Variants in SLC25A6 observed in about 807,000 individuals in gnomAD.
SLC25A6 encodes ADP/ATP translocase 3.
In SLC25A6, 9 loss-of-function variants were observed where a neutral mutation model predicts 25.7. The ratio of observed to expected loss-of-function variants is 0.35; its 90% CI spans 0.21 to 0.61. The LOEUF (loss-of-function observed/expected upper bound fraction) is 0.61. Ranked by LOEUF, SLC25A6 falls within the 20% of genes least tolerant of loss-of-function variation. The probability of loss-of-function intolerance (pLI) is 0.76; values close to 1 mark genes in which losing one functional copy is unlikely to be tolerated. For synonymous variants in SLC25A6, 223 were observed against 197.0 expected, an observed-to-expected ratio of 1.13 and a Z score of -1.11; for missense variants, 404 against 440.5, an observed-to-expected ratio of 0.92 and a Z score of 0.74.
In SLC25A6 at chrX:1,388,763, G is replaced by C. The variant is rs189855952; in HGVS notation, c.598+478C>G. Among the ~76,000 whole-genome samples the C allele has an allele frequency of 2.2e-3, 333 of 151,550 alleles. 1 individual carries two copies. The highest frequency in any genetic ancestry group is 0.017 in the South Asian group (83 of 4,782). ...CAATCCACCCAGTCTATGGTATTCTGTGATAGCAGCCTGAAATGGATTAAG... is the reference window on the plus strand; with the variant it reads ...CAATCCACCCAGTCTATGGTATTCTCTGATAGCAGCCTGAAATGGATTAAG... On this transcript the variant is annotated intron_variant, in intron 2 of 3. Coordinates refer to ENST00000381401, the MANE Select transcript of SLC25A6 (RefSeq NM_001636.4).
intron 3 of SLC25A6, 70 bp from the exon 4 acceptor site, chrX:1,386,829 A>C: frequency 2.0e-6 from 3 of 1,522,862 alleles, no homozygotes; most frequent in Non-Finnish European, 2.7e-6. Flanking sequence ...ACCTGCACCC[A>C]CAAAGACGTT....
chrX:1,387,504 C>T, intron 2 of SLC25A6, 85 bp from the exon 3 acceptor site: 1 of 1,564,870 alleles, frequency 6.4e-7, no homozygotes, highest in Non-Finnish European at 8.6e-7. Context: ...GCTCACGGCC[C>T]CCTGAGGTGG....
chrX:1,391,667 T>C (rs1343131533), intron 1 of SLC25A6, among the ~76,000 whole-genome samples: 23 of 152,206 alleles, frequency 1.5e-4, no homozygotes, highest in Non-Finnish European at 2.1e-4. Context: ...CTCCAATCCG[T>C]GCCGCATTTC....
intron 2 of SLC25A6, among the ~76,000 whole-genome samples, chrX:1,388,126 G>A (rs1243746022): frequency 1.3e-5 from 2 of 149,594 alleles, no homozygotes; most frequent in Non-Finnish European, 3.0e-5. Context: ...AGCAGATAAG[G>A]ACACAGACAC....
rs17848744 is a variant in SLC25A6, at chrX:1,389,464, C to G, written c.375G>C (p.Ala125=). 4.0e-4 allele frequency: 638 copies of G among 1,613,916 alleles called. 4 individuals carry two copies. The East Asian group carries it at 0.011, about 28-fold the overall frequency. ...GCGGGTACACGAAGCAGAGGGAGGT[C>G]GCGCCGGCCGCACCGCCGGAGGCCA... The part of the protein sequence containing the change: ...GNLASGGAAG[A]TSLCFVYPLD... Residue 125 remains alanine (A), a synonymous_variant, in exon 2 of 4, where the codon GCG becomes GCC. Transcript: ENST00000381401.
intron 2 of SLC25A6, 68 bp from the exon 3 acceptor site, chrX:1,387,487 A>G: frequency 2.5e-6 from 4 of 1,591,044 alleles, no homozygotes; most frequent in Non-Finnish European, 2.6e-6. Context: ...GTCGGCCCCC[A>G]GGGTGTGCTC....
chrX:1,392,092 T>G lies in SLC25A6; in HGVS notation c.-83A>C. On this transcript the variant is annotated 5_prime_UTR_variant, in exon 1 of 4. Transcript: ENST00000381401. The stretch of plus-strand genomic sequence containing the variant: ...ATGGAGGGCGTCGCTGGCTCAGCCC[T>G]GCCGCCGCCTGGACCGAAAGGACGG... 9.9e-7 allele frequency: 1 copy of G among 1,009,442 alleles called. No homozygotes were observed. Among genetic ancestry groups the G allele is most frequent in the South Asian group, 1.4e-5 (1 of 71,578 alleles). The allele number at this position is 1,009,442 out of a possible 1,614,324, so 62.5% of individuals were successfully genotyped here.
chrX:1,391,775 A>G, intron 1 of SLC25A6, 124 bp downstream of exon 1: 1 of 694,660 alleles, frequency 1.4e-6, no homozygotes, highest in Non-Finnish European at 2.4e-6. Context: ...GCGCGTGGAC[A>G]AAGCGATCGC....
In SLC25A6 at chrX:1,392,013, G is replaced by A. The variant is rs376516781; in HGVS notation, c.-4C>T. On this transcript the variant is annotated 5_prime_UTR_variant, in exon 1 of 4. Transcript: ENST00000381401. ...AGGAGATGGCCTGTTCCGTCATGGT[G>A]GCAGGGCGGGCAGCGGAACGGGAGG... 5.6e-6 allele frequency: 9 copies of A among 1,598,450 alleles called. No individual in the cohort carries two copies. In the African/African-American group the frequency reaches 1.2e-4, roughly 22 times the overall value.
At position 1,389,551 on chromosome X, in the gene SLC25A6, C is replaced by G. The variant is rs1403051741; in HGVS notation, c.288G>C (p.Lys96Asn). The G allele has an allele frequency of 1.9e-6, 3 of 1,614,072 alleles. No homozygotes were observed. In the African/African-American group the frequency reaches 4.0e-5, roughly 22 times the overall value. ...TGTCCACGCCCCCCAGGAAGATCTG[C>G]TTGTACTTATCCTTGAAGGCGAAGT... ...ALNFAFKDKY[K>N]QIFLGGVDKH... The change falls in exon 2 of 4, where the codon AAG becomes AAC. Residue 96 changes from lysine to asparagine, a missense_variant. Transcript: ENST00000381401.
chrX:1,391,996 G>A lies in SLC25A6; in HGVS notation c.14C>T (p.Ala5Val), dbSNP rs2089420830. MTEQ[A>V]ISFAKDFLAG... ...CAAGAAGTCTTTGGCGAAGGAGATG[G>A]CCTGTTCCGTCATGGTGGCAGGGCG... Residue 5 changes from alanine to valine, a missense_variant, in exon 1 of 4, where the codon GCC becomes GTC. Transcript: ENST00000381401. The A allele has an allele frequency of 3.1e-6, 5 of 1,607,584 alleles. No homozygotes were observed. The highest frequency in any genetic ancestry group is 3.4e-6 in the Non-Finnish European group (4 of 1,178,152).
chrX:1,387,367 C>T lies in SLC25A6; in HGVS notation c.651G>A (p.Ala217=), dbSNP rs778615865. The change falls in exon 3 of 4, where the codon GCG becomes GCA. Residue 217 remains alanine, a synonymous_variant. Coordinates refer to ENST00000381401, the MANE Select transcript of SLC25A6 (RefSeq NM_001636.4). The part of the protein sequence containing the change: ...NTHIVVSWMI[A]QTVTAVAGVV... ...CGCCGGCCACGGCCGTCACGGTCTGCGCGATCATCCAGCTCACCACGATGT... is the reference window on the plus strand; with the variant it reads ...CGCCGGCCACGGCCGTCACGGTCTGTGCGATCATCCAGCTCACCACGATGT... The T allele has an allele frequency of 2.5e-6, 4 of 1,613,190 alleles. No individual in the cohort carries two copies. The highest frequency in any genetic ancestry group is 2.2e-5 in the South Asian group (2 of 91,070).
Position 1,389,647 on chromosome X carries a change from C to T in SLC25A6, c.192G>A (p.Glu64=), listed in dbSNP as rs1319945089. 1.9e-6 allele frequency: 3 copies of T among 1,614,006 alleles called. No individual in the cohort carries two copies. The highest frequency in any genetic ancestry group is 2.2e-5 in the East Asian group (1 of 44,890). ...IVDCIVRIPK[E]QGVLSFWRGN... is the part of the protein sequence containing the mutation. ...CCCTCCAGAAGGACAGCACGCCCTGCTCCTTGGGGATGCGGACAATGCAGT... is the reference window on the plus strand; with the variant it reads ...CCCTCCAGAAGGACAGCACGCCCTGTTCCTTGGGGATGCGGACAATGCAGT... Residue 64 remains glutamate, a synonymous_variant, in exon 2 of 4, where the codon GAG becomes GAA. Coordinates refer to ENST00000381401, the MANE Select transcript of SLC25A6 (RefSeq NM_001636.4).
intron 2 of SLC25A6, among the ~76,000 whole-genome samples, chrX:1,388,520 A>G (rs748834407): frequency 6.6e-6 from 1 of 150,474 alleles, no homozygotes; most frequent in South Asian, 2.1e-4. Context: ...TGTTGTTTCT[A>G]AGTCACCCAG....
intron 1 of SLC25A6, among the ~76,000 whole-genome samples, chrX:1,391,094 G>A (rs1365496073): frequency 1.3e-5 from 2 of 152,102 alleles, no homozygotes; most frequent in African/African-American, 4.8e-5. Flanking sequence ...GATCCTCTCC[G>A]GGCCTCTCAA....
In SLC25A6 at chrX:1,386,422, G is replaced by C. The variant is rs759141414; in HGVS notation, c.*180C>G. On this transcript the variant is annotated 3_prime_UTR_variant, in exon 4 of 4. Coordinates refer to ENST00000381401, the MANE Select transcript of SLC25A6 (RefSeq NM_001636.4). Reference sequence around the variant, plus strand: ...TGATCAAGACACGGAATCGGCTGCCGATGGTTGGATCGCAATGCGCCCCTT... The same window carrying C: ...TGATCAAGACACGGAATCGGCTGCCCATGGTTGGATCGCAATGCGCCCCTT... 13 of 776,904 alleles carry C rather than the reference G, an allele frequency of 1.7e-5. No homozygotes were observed. Among genetic ancestry groups the C allele is most frequent in the Non-Finnish European group, 2.3e-5 (12 of 530,926 alleles). 48.1% of individuals were successfully genotyped at this position (776,904 alleles called of 1,614,324 possible).
At chrX:1,391,872 C>T in intron 1 of SLC25A6, 27 bp downstream of exon 1, 12 of 1,551,776 alleles carry the variant, frequency 7.7e-6, no homozygotes, top group East Asian at 2.3e-5. Context: ...CCCCTAGTCC[C>T]CGGAGCGGCC....
chrX:1,391,853 G>C, intron 1 of SLC25A6, 46 bp downstream of exon 1: 1 of 1,467,004 alleles, frequency 6.8e-7, no homozygotes, highest in South Asian at 1.2e-5. Flanking sequence ...CCGGCCACTC[G>C]GTTCCCGTCC....
chrX:1,391,826 C>T (rs2089417463), intron 1 of SLC25A6, 73 bp downstream of exon 1: 1 of 1,220,970 alleles, frequency 8.2e-7, no homozygotes, highest in Admixed American at 2.0e-5. Context: ...GCTCTGCTGC[C>T]CACGTCCCCG....
Sources: gnomAD v4.1 joint callset for allele counts (sites outside exome capture counted in the v4.1 genomes callset) on GRCh38, gnomAD v4.1.1 for gene constraint, MANE v1.5 for transcripts, NCBI Gene and HGNC (gene_info 2026-07-23, HGNC 2026-07-21) for gene names.